Variants in DSCAM observed in about 807,000 individuals in gnomAD.
DSCAM encodes cell adhesion molecule DSCAM.
A neutral mutation model predicts 217.7 loss-of-function variants in DSCAM; 47 were observed. The observed-to-expected ratio is 0.22, with a 90% CI of 0.17 to 0.28. The LOEUF is 0.28. Ranked by LOEUF, DSCAM falls within the 10% of genes least tolerant of loss-of-function variation. DSCAM has a pLI of 1.00. For missense variants in DSCAM, 2,080 were observed against 2,618.3 expected, an observed-to-expected ratio of 0.79 and a Z score of 4.49; for synonymous variants, 1,056 against 1,015.3, an observed-to-expected ratio of 1.04 and a Z score of -0.76.
intron 11 of DSCAM, among the ~76,000 whole-genome samples, chr21:40,244,148 G>A (rs2073190660): frequency 6.6e-6 from 1 of 152,154 alleles, no homozygotes; most frequent in Non-Finnish European, 1.5e-5. Flanking sequence ...GAGCCAAACT[G>A]TTATTAAAAT....
intron 2 of DSCAM, among the ~76,000 whole-genome samples, chr21:40,698,022 A>G (rs1007581597): frequency 1.3e-5 from 2 of 152,088 alleles, no homozygotes; most frequent in East Asian, 3.9e-4. Context: ...ATACTTCTTT[A>G]TATTTTTAGC....
intron 19 of DSCAM, among the ~76,000 whole-genome samples, chr21:40,129,655 C>T (rs1371483825): frequency 2.0e-5 from 3 of 152,198 alleles, no homozygotes; most frequent in Non-Finnish European, 2.9e-5. Flanking sequence ...CCTGCCACTG[C>T]ACATGGCACA....
At chr21:40,196,497 A>G (rs1271295209) in intron 11 of DSCAM, among the ~76,000 whole-genome samples, 1 of 152,078 alleles carries the variant, frequency 6.6e-6, no homozygotes, top group Non-Finnish European at 1.5e-5. Context: ...ACGATCCTAA[A>G]ATATACAGCC....
intron 8 of DSCAM, among the ~76,000 whole-genome samples, chr21:40,329,960 T>C (rs2074358821): frequency 6.6e-6 from 1 of 151,930 alleles, no homozygotes; most frequent in Non-Finnish European, 1.5e-5. Flanking sequence ...TTGTACAACA[T>C]GGTGACTGTA....
intron 11 of DSCAM, among the ~76,000 whole-genome samples, chr21:40,215,584 A>G (rs1018258942): frequency 1.3e-5 from 2 of 152,184 alleles, no homozygotes; most frequent in African/African-American, 4.8e-5. Flanking sequence ...GCTCTCACTT[A>G]TAAGTGGGAG....
chr21:40,159,423 T>C (rs1019695110), intron 16 of DSCAM, among the ~76,000 whole-genome samples: 4 of 152,186 alleles, frequency 2.6e-5, no homozygotes, highest in Admixed American at 6.5e-5. Context: ...ATGGCATCCA[T>C]GCATTCATAA....
chr21:40,755,206 G>A (rs1483268244), intron 1 of DSCAM, among the ~76,000 whole-genome samples: 2 of 152,186 alleles, frequency 1.3e-5, no homozygotes, highest in Admixed American at 1.3e-4. Context: ...CCAGCACTTT[G>A]GGAGGCAGAG....
At chr21:40,309,406 T>C (rs1325006554) in intron 9 of DSCAM, among the ~76,000 whole-genome samples, 1 of 152,174 alleles carries the variant, frequency 6.6e-6, no homozygotes, top group African/African-American at 2.4e-5. Context: ...TCTCGATTTA[T>C]TTCTGATTTT....
chr21:40,078,528 G>C (rs1428152241), intron 26 of DSCAM, among the ~76,000 whole-genome samples, 159 bp downstream of exon 26: 4 of 152,144 alleles, frequency 2.6e-5, no homozygotes, highest in African/African-American at 9.7e-5. Flanking sequence ...TAACGAACTA[G>C]GGAGCCCCAG....
chr21:40,432,787 G>A (rs1026747446), intron 3 of DSCAM, among the ~76,000 whole-genome samples: 2 of 152,128 alleles, frequency 1.3e-5, no homozygotes, highest in African/African-American at 4.8e-5. Context: ...TATGGCTTAG[G>A]TGAGATAATC....
intron 11 of DSCAM, among the ~76,000 whole-genome samples, chr21:40,209,425 CT>C (rs58767282): frequency 0.033 from 5,006 of 152,256 alleles, 285 homozygotes; most frequent in African/African-American, 0.11. Flanking sequence ...CTCTTCTGCT[CT>C]CTTTTCCACT....
intron 15 of DSCAM, among the ~76,000 whole-genome samples, chr21:40,178,195 C>G (rs909885676): frequency 6.6e-6 from 1 of 152,022 alleles, no homozygotes; most frequent in Non-Finnish European, 1.5e-5. Flanking sequence ...TTAATTTCAC[C>G]CCCCCGGAAA....
At chr21:40,240,505 CA>C (rs969233844) in intron 11 of DSCAM, among the ~76,000 whole-genome samples, 34 of 152,248 alleles carry the variant, frequency 2.2e-4, no homozygotes, top group African/African-American at 7.2e-4. Flanking sequence ...GTGTCTTCCA[CA>C]AGATGACAGT....
At chr21:40,295,302 T>A (rs1047370276) in intron 10 of DSCAM, among the ~76,000 whole-genome samples, 1 of 152,132 alleles carries the variant, frequency 6.6e-6, no homozygotes, top group Admixed American at 6.5e-5. Flanking sequence ...ACTTCCAATA[T>A]GTTTGCAAGT....
chr21:40,424,709 C>G (rs1307238088), intron 3 of DSCAM, among the ~76,000 whole-genome samples: 1 of 152,130 alleles, frequency 6.6e-6, no homozygotes. Context: ...AACGATATGC[C>G]TGAGGACATG....
chr21:40,495,785 A>G (rs1457326295), intron 3 of DSCAM, among the ~76,000 whole-genome samples: 1 of 152,186 alleles, frequency 6.6e-6, no homozygotes, highest in Non-Finnish European at 1.5e-5. Context: ...AAAATTCTAA[A>G]TACTCCACCA....
chr21:40,152,104 C>T (rs777830939), intron 16 of DSCAM, among the ~76,000 whole-genome samples: 4 of 144,338 alleles, frequency 2.8e-5, no homozygotes, highest in Admixed American at 6.8e-5. Context: ...TCCTTTGAAA[C>T]GTAAGCATAT....
intron 11 of DSCAM, among the ~76,000 whole-genome samples, chr21:40,195,664 AT>A (rs2090999859): frequency 6.6e-6 from 1 of 152,172 alleles, no homozygotes; most frequent in African/African-American, 2.4e-5. Flanking sequence ...CAGAGCAGAT[AT>A]GGCAGAGGAG....
chr21:40,264,350 A>G (rs181154420), intron 11 of DSCAM, among the ~76,000 whole-genome samples: 40 of 152,330 alleles, frequency 2.6e-4, no homozygotes, highest in Non-Finnish European at 1.3e-4. Flanking sequence ...CCAATAGCAC[A>G]TCAAAAAAAT....
Sources: allele counts gnomAD v4.1 joint callset (sites outside exome capture counted in the v4.1 genomes callset), GRCh38; gene constraint gnomAD v4.1.1; transcripts MANE v1.5; gene names NCBI Gene and HGNC (gene_info 2026-07-23, HGNC 2026-07-21).